TSHZ2: variants seen among roughly 807,000 people sequenced by gnomAD.
TSHZ2 encodes teashirt zinc finger homeobox 2, also known as teashirt homolog 2.
In TSHZ2, 21 loss-of-function variants were observed where a neutral mutation model predicts 74.4. The ratio of observed to expected loss-of-function variants is 0.28; its 90% CI spans 0.20 to 0.41. TSHZ2 has a LOEUF of 0.41. Among genes scored for constraint, TSHZ2 ranks in the 10% least tolerant of loss-of-function variants. The pLI, the probability that TSHZ2 is intolerant of heterozygous loss-of-function variation, is 1.00. For synonymous variants in TSHZ2, 540 were observed against 515.3 expected (o/e 1.05, Z -0.65); for missense variants, 1,244 against 1,293.5 (o/e 0.96, Z 0.59).
At chr20:53,050,534 C>T (rs1423737737) in intron 1 of TSHZ2, among the ~76,000 whole-genome samples, 4 of 152,122 alleles carry the variant, frequency 2.6e-5, no homozygotes, top group East Asian at 1.9e-4. Flanking sequence ...CTTGCCCGCA[C>T]GGGGCTGTGA....
chr20:53,041,868 A>G lies in TSHZ2; in HGVS notation c.40+68535A>G, dbSNP rs557667098. Among the ~76,000 whole-genome samples the G allele has an allele frequency of 1.9e-4, 29 of 152,306 alleles. No individual in the cohort carries two copies. In the East Asian group the frequency reaches 5.2e-3, roughly 27 times the overall value. On this transcript the variant is annotated intron_variant, in intron 1 of 2. Coordinates refer to ENST00000371497, the MANE Select transcript of TSHZ2 (RefSeq NM_173485.6). ...GATACCCACTGCCTAAAGCAGCCCT[A>G]CTGGCATGAGCTCATTCCTTCTTCT...
intron 1 of TSHZ2, among the ~76,000 whole-genome samples, chr20:53,229,741 T>C (rs969152859): frequency 6.9e-6 from 1 of 145,928 alleles, no homozygotes; most frequent in Non-Finnish European, 1.5e-5. Flanking sequence ...GAAGTGTGGC[T>C]GACAGAATCG....
intron 1 of TSHZ2, among the ~76,000 whole-genome samples, chr20:53,050,156 C>CATAT (rs11473079): frequency 2.4e-5 from 3 of 126,618 alleles, no homozygotes; most frequent in East Asian, 2.2e-4. Context: ...TATATATACA[C>CATAT]ATATATATGT....
chr20:53,261,368 A>G (rs551856771), intron 2 of TSHZ2, among the ~76,000 whole-genome samples: 8 of 152,274 alleles, frequency 5.3e-5, no homozygotes, highest in Non-Finnish European at 1.0e-4. Context: ...GCAATTATAC[A>G]TTTGCCATAT....
chr20:53,296,540 C>T (rs1379790486), intron 2 of TSHZ2, among the ~76,000 whole-genome samples: 1 of 152,188 alleles, frequency 6.6e-6, no homozygotes, highest in African/African-American at 2.4e-5. Context: ...AGGGTTGTTT[C>T]ATCTCAAGCC....
intron 2 of TSHZ2, among the ~76,000 whole-genome samples, chr20:53,288,966 C>A (rs1477203827): frequency 6.6e-6 from 1 of 152,096 alleles, no homozygotes; most frequent in Non-Finnish European, 1.5e-5. Context: ...TCCCTCACCA[C>A]CCCCCACCCT....
At chr20:53,424,559 C>CTT (rs11392358) in intron 2 of TSHZ2, among the ~76,000 whole-genome samples, 4 of 150,204 alleles carry the variant, frequency 2.7e-5, no homozygotes, top group Non-Finnish European at 5.9e-5. Flanking sequence ...TGACCAACCT[C>CTT]TTTTTTTTTT....
chr20:53,084,667 TTCTCTCCC>T (rs1245330504), intron 1 of TSHZ2, among the ~76,000 whole-genome samples: 1 of 59,256 alleles, frequency 1.7e-5, no homozygotes, highest in Non-Finnish European at 3.1e-5. Context: ...CCTTCTCTCC[TTCTCTCCC>T]TCCCTCCCTC....
intron 1 of TSHZ2, chr20:53,185,523 A>C: frequency 7.1e-7 from 1 of 1,412,176 alleles, no homozygotes; most frequent in Non-Finnish European, 9.4e-7. Flanking sequence ...CTGAGGCAGG[A>C]GAATTCCTTG....
chr20:52,990,290 AATGTCTACCCCTCTAACCAAAG>A (rs1277438984), intron 1 of TSHZ2, among the ~76,000 whole-genome samples: 2 of 152,050 alleles, frequency 1.3e-5, no homozygotes, highest in Non-Finnish European at 2.9e-5. Context: ...TCTAATGAAA[AATGTCTACCCCTCTAACCAAAG>A]ATGTCTACCC....
At chr20:53,436,539 A>ATTTTTTTTT (rs1368192791) in intron 2 of TSHZ2, among the ~76,000 whole-genome samples, 5 of 90,028 alleles carry the variant, frequency 5.6e-5, no homozygotes, top group Non-Finnish European at 6.1e-5. Context: ...TATTATTATT[A>ATTTTTTTTT]TTATTATTAT....
intron 2 of TSHZ2, among the ~76,000 whole-genome samples, chr20:53,312,627 T>C (rs1351120331): frequency 1.3e-5 from 2 of 152,188 alleles, no homozygotes; most frequent in African/African-American, 4.8e-5. Context: ...ACCGCGTGGG[T>C]GAGACATAAC....
intron 1 of TSHZ2, among the ~76,000 whole-genome samples, chr20:53,030,164 A>G (rs1307761173): frequency 6.6e-6 from 1 of 152,178 alleles, no homozygotes; most frequent in Non-Finnish European, 1.5e-5. Flanking sequence ...CTATACCACC[A>G]GGAAGTACCA....
In TSHZ2 at chr20:53,112,220, C is replaced by G. The variant is rs114163928; in HGVS notation, c.40+138887C>G. Reference sequence around the variant, plus strand: ...AGGGAGCAGGGAGAGCAGAACCACACAGGAGCCCATGCTCCAAGCCCCTAG... The same window carrying G: ...AGGGAGCAGGGAGAGCAGAACCACAGAGGAGCCCATGCTCCAAGCCCCTAG... On this transcript the variant is annotated intron_variant, in intron 1 of 2. Transcript: ENST00000371497. 4.6e-3 allele frequency among the ~76,000 whole-genome samples: 700 copies of G among 152,338 alleles called. 5 individuals are homozygous for G. The highest frequency in any genetic ancestry group is 0.016 in the African/African-American group (667 of 41,586).
At chr20:53,374,133 C>T (rs1414388062) in intron 2 of TSHZ2, among the ~76,000 whole-genome samples, 1 of 152,042 alleles carries the variant, frequency 6.6e-6, no homozygotes, top group Non-Finnish European at 1.5e-5. Flanking sequence ...TTTTTGCATC[C>T]TCACCCTCCT....
intron 1 of TSHZ2, among the ~76,000 whole-genome samples, chr20:53,130,884 A>G (rs1185083994): frequency 2.0e-5 from 3 of 152,214 alleles, no homozygotes; most frequent in Non-Finnish European, 4.4e-5. Flanking sequence ...TAAGTGTGCC[A>G]TTTTAGGCAA....
In TSHZ2 at chr20:53,255,890, C is replaced by G. The variant is rs758091559; in HGVS notation, c.2432C>G (p.Ala811Gly). ...CCCAAAGCCACCACCCCAAAGCCAGCCTCCTCCTCCAGGGTCCCCCCCATG... is the reference window on the plus strand; with the variant it reads ...CCCAAAGCCACCACCCCAAAGCCAGGCTCCTCCTCCAGGGTCCCCCCCATG... Reference protein sequence around the residue: ...VLPKATTPKPASSSRVPPMKL... With the variant: ...VLPKATTPKPGSSSRVPPMKL... The change falls in exon 2 of 3, where the codon GCC (alanine) becomes GGC (glycine). Residue 811 changes from alanine to glycine, a missense_variant. This residue lies in a region of TSHZ2 where 562 missense variants were observed against 544.0 expected (regional missense o/e 1.03). Transcript: ENST00000371497. The surrounding 1 kb of genome is among the most constrained non-coding windows in gnomAD (Gnocchi z 4.1). 5.0e-6 allele frequency: 8 copies of G among 1,613,590 alleles called. No individual in the cohort carries two copies. In the African/African-American group the frequency reaches 1.1e-4, roughly 22 times the overall value.
intron 2 of TSHZ2, among the ~76,000 whole-genome samples, chr20:53,417,783 G>A (rs1004937631): frequency 6.6e-6 from 1 of 152,066 alleles, no homozygotes; most frequent in Non-Finnish European, 1.5e-5. Flanking sequence ...ATAGGGATGA[G>A]CTGGTATAGA....
chr20:53,300,210 A>G (rs573181700), intron 2 of TSHZ2, among the ~76,000 whole-genome samples: 7 of 152,336 alleles, frequency 4.6e-5, no homozygotes, highest in African/African-American at 1.7e-4. Flanking sequence ...TTGTTTCGTA[A>G]TGATCTTTAG....
Sources: allele counts gnomAD v4.1 joint callset (sites outside exome capture counted in the v4.1 genomes callset), GRCh38; gene constraint gnomAD v4.1.1; regional missense constraint gnomAD v4.1.1; non-coding constraint Gnocchi (gnomAD v3.1); transcripts MANE v1.5; gene names NCBI Gene and HGNC (gene_info 2026-07-23, HGNC 2026-07-21).